The following VBP1 variants were observed in gnomAD, a reference collection of about 807,000 sequenced individuals.
VBP1 encodes prefoldin subunit 3.
Under a neutral mutation model 15.5 loss-of-function variants are expected in VBP1, and 4 were observed. The ratio of observed to expected loss-of-function variants is 0.26; its 90% CI spans 0.13 to 0.59. The LOEUF (loss-of-function observed/expected upper bound fraction) is 0.59. Among genes scored for constraint, VBP1 ranks in the 20% least tolerant of loss-of-function variants. The pLI is 0.90. For missense variants in VBP1, 108 were observed against 139.6 expected, an observed-to-expected ratio of 0.77 and a Z score of 1.14; for synonymous variants, 61 against 52.1, an observed-to-expected ratio of 1.17 and a Z score of -0.74.
At chrX:155,231,599 G>A (rs782739831) in intron 4 of VBP1, among the ~76,000 whole-genome samples, 24 of 112,565 alleles carry the variant, frequency 2.1e-4, no homozygotes, top group Non-Finnish European at 3.2e-4. Flanking sequence ...GGTTCAAAGA[G>A]CAAATAGAAA....
At chrX:155,223,032 A>T (rs922203866) in intron 2 of VBP1, among the ~76,000 whole-genome samples, 3 of 108,134 alleles carry the variant, frequency 2.8e-5, no homozygotes, top group Admixed American at 9.9e-5. Context: ...CTATGATGTC[A>T]GCTATGCAAC....
chrX:155,227,919 G>T (rs2074726629), intron 3 of VBP1, among the ~76,000 whole-genome samples: 1 of 112,485 alleles, frequency 8.9e-6, no homozygotes, highest in East Asian at 2.8e-4. Context: ...TTGACTGGTA[G>T]AATAACTATT....
chrX:155,201,329 A>G (rs2074602808), intron 1 of VBP1, among the ~76,000 whole-genome samples: 1 of 106,527 alleles, frequency 9.4e-6, no homozygotes, highest in Admixed American at 1.0e-4. Context: ...TTAGACCAAT[A>G]TCCTTGATGA....
Position 155,231,133 on chromosome X carries a change from C to T in VBP1, c.384+2651C>T, listed in dbSNP as rs1440448582. Among the ~76,000 whole-genome samples, 3 of 112,135 alleles carry T rather than the reference C, an allele frequency of 2.7e-5. No homozygotes were observed. In the Admixed American group the frequency reaches 2.8e-4, roughly 11 times the overall value. On this transcript the variant is annotated intron_variant, in intron 4 of 5. Coordinates refer to ENST00000286428, the MANE Select transcript of VBP1 (RefSeq NM_003372.7). ...GCTTTTAAAACATGTCAGATGATTC[C>T]GCTTTTCTGCTCAAGACCCCAGTGG...
chrX:155,231,560 G>C (rs1309461924), intron 4 of VBP1, among the ~76,000 whole-genome samples: 1 of 112,369 alleles, frequency 8.9e-6, no homozygotes, highest in Non-Finnish European at 1.9e-5. Flanking sequence ...ATTTTTGTTA[G>C]TTTTTCATCA....
chrX:155,200,970 C>T (rs2074600896), intron 1 of VBP1, among the ~76,000 whole-genome samples: 1 of 110,362 alleles, frequency 9.1e-6, no homozygotes, highest in Non-Finnish European at 1.9e-5. Flanking sequence ...CATCAGAGAA[C>T]ACTACAAACA....
At chrX:155,210,669 G>T (rs1557308444) in intron 2 of VBP1, among the ~76,000 whole-genome samples, 2 of 111,921 alleles carry the variant, frequency 1.8e-5, no homozygotes. Context: ...GACTGCCATG[G>T]AGTGACAATT....
At chrX:155,223,334 A>G (rs1185642603) in intron 2 of VBP1, among the ~76,000 whole-genome samples, 3 of 107,744 alleles carry the variant, frequency 2.8e-5, no homozygotes, top group Admixed American at 2.0e-4. Context: ...TCCTAGGCAG[A>G]GGGCCCTGCC....
chrX:155,212,490 T>C (rs1326524341), upstream of VBP1, among the ~76,000 whole-genome samples: 7 of 111,500 alleles, frequency 6.3e-5, no homozygotes, highest in Admixed American at 5.7e-4. Flanking sequence ...AACCATGGGA[T>C]GCAGAATTAG....
chrX:155,233,585 A>T (rs2074757155), intron 4 of VBP1, among the ~76,000 whole-genome samples: 1 of 112,320 alleles, frequency 8.9e-6, no homozygotes, highest in Non-Finnish European at 1.9e-5. Context: ...TTAGAATGAG[A>T]CAGCTGTTAT....
chrX:155,224,163 G>A (rs782232467), intron 2 of VBP1, among the ~76,000 whole-genome samples: 4 of 112,120 alleles, frequency 3.6e-5, no homozygotes, highest in Non-Finnish European at 7.5e-5. Flanking sequence ...GACGATGGGC[G>A]GCCAGGCAGA....
At chrX:155,200,249 C>G (rs1557307247) in intron 1 of VBP1, among the ~76,000 whole-genome samples, 1 of 106,501 alleles carries the variant, frequency 9.4e-6, no homozygotes, top group Admixed American at 1.0e-4. Context: ...CAGCTCTGCA[C>G]CAAGCGGACC....
chrX:155,204,698 G>A (rs782160311), intron 1 of VBP1, among the ~76,000 whole-genome samples: 17 of 111,881 alleles, frequency 1.5e-4, no homozygotes, highest in Admixed American at 5.7e-4. Flanking sequence ...TCAAGAGAAA[G>A]CTGCTTCAGA....
intron 4 of VBP1, among the ~76,000 whole-genome samples, chrX:155,233,899 CAA>C (rs782094452): frequency 1.2e-3 from 136 of 109,843 alleles, no homozygotes; most frequent in Admixed American, 5.6e-3. Context: ...TAAATATAAA[CAA>C]AAAAATCAGA....
intron 1 of VBP1, among the ~76,000 whole-genome samples, chrX:155,198,175 G>A (rs2074586095): frequency 8.9e-6 from 1 of 112,661 alleles, no homozygotes; most frequent in Non-Finnish European, 1.9e-5. Flanking sequence ...TCCACCTCTG[G>A]GGGCATGGCA....
intron 2 of VBP1, among the ~76,000 whole-genome samples, chrX:155,222,122 A>T (rs782676598): frequency 1.9e-4 from 21 of 112,628 alleles, no homozygotes; most frequent in Non-Finnish European, 3.8e-4. Flanking sequence ...GTAAAAGTTT[A>T]TTTGAAAAAG....
intron 4 of VBP1, among the ~76,000 whole-genome samples, chrX:155,230,528 C>G (rs1397157881): frequency 9.0e-6 from 1 of 111,463 alleles, no homozygotes; most frequent in Non-Finnish European, 1.9e-5. Flanking sequence ...GTCTTTCCAG[C>G]ACAGTGGTCA....
At chrX:155,224,238 G>A (rs1371074006) in intron 2 of VBP1, among the ~76,000 whole-genome samples, 3 of 113,002 alleles carry the variant, frequency 2.7e-5, no homozygotes, top group Non-Finnish European at 5.6e-5. Context: ...CACTTTGGGA[G>A]GCCAAGGCAG....
upstream of VBP1, among the ~76,000 whole-genome samples, chrX:155,215,771 T>C (rs1161709241): frequency 8.9e-6 from 1 of 111,951 alleles, no homozygotes; most frequent in African/African-American, 3.3e-5. Flanking sequence ...CATGTGCTTT[T>C]AAAGGGTTGT....
Sources: allele counts gnomAD v4.1 joint callset (sites outside exome capture counted in the v4.1 genomes callset), GRCh38; gene constraint gnomAD v4.1.1; transcripts MANE v1.5; gene names NCBI Gene and HGNC (gene_info 2026-07-23, HGNC 2026-07-21).